LRRC7: variants seen among roughly 807,000 people sequenced by gnomAD.
LRRC7 encodes leucine-rich repeat-containing protein 7.
LRRC7 carries 23 observed loss-of-function variants against 175.7 expected under a neutral mutation model. The observed-to-expected ratio is 0.13, with a 90% CI of 0.09 to 0.19. The LOEUF is 0.19. Ranked by LOEUF, LRRC7 falls within the 10% of genes least tolerant of loss-of-function variation. LRRC7 has a pLI of 1.00. For synonymous variants in LRRC7, 685 were observed against 680.9 expected (o/e 1.01, Z -0.09); for missense variants, 1,354 against 1,904.7 (o/e 0.71, Z 5.38).
chr1:69,853,267 TTTC>T (rs1683191715), intron 7 of LRRC7, among the ~76,000 whole-genome samples: 1 of 135,244 alleles, frequency 7.4e-6, no homozygotes, highest in African/African-American at 2.7e-5. Context: ...TTTTCCTTTC[TTTC>T]TTTTTTTTTT....
intron 1 of LRRC7, among the ~76,000 whole-genome samples, chr1:69,662,063 G>C (rs552877108): frequency 1.3e-5 from 2 of 152,216 alleles, no homozygotes; most frequent in South Asian, 4.1e-4. Flanking sequence ...AAGATTGTAG[G>C]AATCAGAAAA....
At chr1:69,841,223 T>G (rs1413988204) in intron 7 of LRRC7, among the ~76,000 whole-genome samples, 1 of 152,100 alleles carries the variant, frequency 6.6e-6, no homozygotes, top group East Asian at 1.9e-4. Flanking sequence ...TCAAGTGTGC[T>G]TCTCTATAGG....
chr1:69,969,776 T>G (rs940171670), intron 8 of LRRC7, among the ~76,000 whole-genome samples: 1 of 152,026 alleles, frequency 6.6e-6, no homozygotes, highest in African/African-American at 2.4e-5. Context: ...CCAGAACAAA[T>G]AGACTTAACA....
Position 70,138,628 on chromosome 1 carries a change from A to G in LRRC7, c.*16741A>G, listed in dbSNP as rs1666956722. 6.6e-6 allele frequency: 1 copy of G among 152,230 alleles called. No individual in the cohort carries two copies. The highest frequency in any genetic ancestry group is 2.1e-4 in the South Asian group (1 of 4,838). 9.4% of individuals were successfully genotyped at this position (152,230 alleles called of 1,614,324 possible). A position where few individuals can be genotyped will look rare whatever the true frequency, so the allele number is the denominator to read the frequency against. ...TAATCAAATTGTTTCAAAATTTTTA[A>G]GGAGCCAAATTTAAATTCTCAATAC... is the stretch of plus-strand genomic sequence containing the variant. On this transcript the variant is annotated 3_prime_UTR_variant, in exon 27 of 27. Transcript: ENST00000651989.
chr1:69,618,850 G>A (rs920017734), intron 1 of LRRC7, among the ~76,000 whole-genome samples: 3 of 152,116 alleles, frequency 2.0e-5, no homozygotes, highest in Admixed American at 2.0e-4. Context: ...TATTTGAAAA[G>A]GCAGAATAAG....
intron 22 of LRRC7, among the ~76,000 whole-genome samples, chr1:70,049,594 T>G (rs755654879): frequency 1.3e-5 from 2 of 152,126 alleles, no homozygotes; most frequent in Admixed American, 1.3e-4. Context: ...TAAATTCTTA[T>G]AGACAGTGAC....
intron 1 of LRRC7, among the ~76,000 whole-genome samples, chr1:69,581,732 AT>A (rs2100919650): frequency 6.6e-6 from 1 of 152,316 alleles, no homozygotes; most frequent in East Asian, 1.9e-4. Flanking sequence ...AAAATTGGGT[AT>A]GCATTAGAGT....
chr1:70,031,666 A>G (rs2102004924), intron 18 of LRRC7, among the ~76,000 whole-genome samples: 1 of 152,228 alleles, frequency 6.6e-6, no homozygotes. Context: ...AACACCACCT[A>G]TCTTCTCACA....
In LRRC7 at chr1:70,038,159, A is replaced by G. The variant is rs1467811019; in HGVS notation, c.2335A>G (p.Ser779Gly). 20 of 1,613,534 alleles carry G rather than the reference A, an allele frequency of 1.2e-5. No individual in the cohort carries two copies. The highest frequency in any genetic ancestry group is 1.7e-5 in the Non-Finnish European group (20 of 1,179,746). Residue 779 changes from serine (S) to glycine (G), a missense_variant, in exon 21 of 27, where the codon AGC becomes GGC. Ser to Gly is a moderately conservative substitution (Grantham distance 56). Around this residue, in one of 4 missense-constraint regions of LRRC7, gnomAD observed 1,032 missense variants for 1,227.2 expected, o/e 0.84. Transcript: ENST00000651989. Reference sequence around the variant, plus strand: ...GCCTCTTGATTCAAAGCCATTACTCAGCCAGCGGGAGGCTGTTCCCCCAGG... The same window carrying G: ...GCCTCTTGATTCAAAGCCATTACTCGGCCAGCGGGAGGCTGTTCCCCCAGG... ...PQPLDSKPLL[S>G]QREAVPPGNI... is the part of the protein sequence containing the mutation.
chr1:69,934,720 T>G (rs1570719644), intron 8 of LRRC7, among the ~76,000 whole-genome samples: 1 of 152,096 alleles, frequency 6.6e-6, no homozygotes, highest in Non-Finnish European at 1.5e-5. Flanking sequence ...CAAGTATTAT[T>G]TGGGGCCAGG....
At chr1:69,862,999 A>G (rs1684527295) in intron 7 of LRRC7, among the ~76,000 whole-genome samples, 1 of 152,196 alleles carries the variant, frequency 6.6e-6, no homozygotes, top group South Asian at 2.1e-4. Flanking sequence ...GAGTTTCAGT[A>G]TTGAATTCAT....
rs553500096 is a variant in LRRC7, at chr1:69,969,019, C to T, written c.712-11360C>T. 2.6e-4 allele frequency among the ~76,000 whole-genome samples: 39 copies of T among 151,914 alleles called. No homozygotes were observed. In the South Asian group the frequency reaches 3.3e-3, roughly 13 times the overall value. On this transcript the variant is annotated intron_variant, in intron 8 of 26. Transcript: ENST00000651989. ...ATTTTTAGTAGAGACAGGGTTTCACCGTGTTAGCCAGGATGGTCTCGATCT... is the reference window on the plus strand; with the variant it reads ...ATTTTTAGTAGAGACAGGGTTTCACTGTGTTAGCCAGGATGGTCTCGATCT...
intron 7 of LRRC7, chr1:69,919,900 A>ACC (rs1646833922): frequency 7.6e-6 from 5 of 658,754 alleles, no homozygotes; most frequent in Non-Finnish European, 1.4e-5. Flanking sequence ...CAGTGGCCGA[A>ACC]CCCCCCACTC....
chr1:69,835,395 T>C (rs546344904), intron 6 of LRRC7, among the ~76,000 whole-genome samples: 8 of 151,714 alleles, frequency 5.3e-5, no homozygotes, highest in Non-Finnish European at 8.8e-5. Flanking sequence ...TAGAGAAAAA[T>C]GGTCAAATTA....
chr1:69,898,719 G>A (rs1382839825), intron 7 of LRRC7, among the ~76,000 whole-genome samples: 1 of 152,008 alleles, frequency 6.6e-6, no homozygotes, highest in Non-Finnish European at 1.5e-5. Context: ...TAAGTGGTCA[G>A]GAACTTCTGT....
At chr1:69,976,146 G>A (rs777136391) in intron 8 of LRRC7, among the ~76,000 whole-genome samples, 1 of 152,108 alleles carries the variant, frequency 6.6e-6, no homozygotes, top group Non-Finnish European at 1.5e-5. Context: ...TCTCTAGAGG[G>A]ACAGAACTAA....
chr1:69,959,252 G>A (rs1046811066), intron 8 of LRRC7, among the ~76,000 whole-genome samples: 1 of 152,100 alleles, frequency 6.6e-6, no homozygotes, highest in African/African-American at 2.4e-5. Context: ...CTAGGGAAAT[G>A]TAACAAAAGA....
intron 2 of LRRC7, among the ~76,000 whole-genome samples, chr1:69,688,549 G>A (rs1176645519): frequency 6.6e-6 from 1 of 151,716 alleles, no homozygotes; most frequent in Non-Finnish European, 1.5e-5. Flanking sequence ...TGGCATCGAT[G>A]TTCTGCAGTT....
In LRRC7 at chr1:69,983,999, C is replaced by T. The variant is rs1421930300; in HGVS notation, c.787-2243C>T. Among the ~76,000 whole-genome samples, 8 of 152,044 alleles carry T rather than the reference C, an allele frequency of 5.3e-5. No homozygotes were observed. The East Asian group carries it at 1.5e-3, about 29-fold the overall frequency. On this transcript the variant is annotated intron_variant, in intron 9 of 26. Coordinates refer to ENST00000651989, the MANE Select transcript of LRRC7 (RefSeq NM_001370785.2). The stretch of plus-strand genomic sequence containing the variant: ...GGAGTTCAGTGGCATGATCTCAGCT[C>T]ACCGCAACCTCTGCCTCCAGGGTTC...
Sources: gnomAD v4.1 joint callset for allele counts (sites outside exome capture counted in the v4.1 genomes callset) on GRCh38, gnomAD v4.1.1 for gene constraint, gnomAD v4.1.1 regional missense constraint, MANE v1.5 for transcripts, NCBI Gene and HGNC (gene_info 2026-07-23, HGNC 2026-07-21) for gene names.